STYXL1: variants seen among roughly 807,000 people sequenced by gnomAD.
The protein encoded by STYXL1 is serine/threonine/tyrosine interacting like 1, also known as serine/threonine/tyrosine-interacting-like protein 1.
A neutral mutation model predicts 36.4 loss-of-function variants in STYXL1; 32 were observed. The observed-to-expected ratio is 0.88, with a 90% CI of 0.66 to 1.18. The LOEUF is 1.18. Among genes scored for constraint, STYXL1 ranks in the 50% most tolerant of loss-of-function variants. The pLI is 0.00. For missense variants in STYXL1, 354 were observed against 394.1 expected, an observed-to-expected ratio of 0.90 and a Z score of 0.86; for synonymous variants, 133 against 144.1, an observed-to-expected ratio of 0.92 and a Z score of 0.55.
chr7:75,999,545 G>GTA, intron 8 of STYXL1, among the ~76,000 whole-genome samples: 1 of 142,720 alleles, frequency 7.0e-6, no homozygotes, highest in Non-Finnish European at 1.5e-5. Context: ...GTGTGTGTGT[G>GTA]TGTGTGTATA....
rs1790146678 is a variant in STYXL1 at position 75,996,533 on chromosome 7, G to A, written c.877C>T (p.Leu293=). 2.5e-6 allele frequency: 4 copies of A among 1,614,230 alleles called. No homozygotes were observed. Among genetic ancestry groups the A allele is most frequent in the Non-Finnish European group, 2.5e-6 (3 of 1,180,048 alleles). ...AGGATAGTCTTCTCCCATTCCAGCA[G>A]CTGGCTCACCAATCCCCGATTTGGA... ...MCPNRGLVSQ[L]LEWEKTILGD... The change falls in exon 9 of 9, where the codon CTG becomes TTG. Residue 293 remains leucine, a synonymous_variant. Coordinates refer to ENST00000359697, the MANE Select transcript of STYXL1 (RefSeq NM_001317785.2).
At chr7:76,012,702 T>C (rs957997089) in intron 5 of STYXL1, among the ~76,000 whole-genome samples, 2 of 151,986 alleles carry the variant, frequency 1.3e-5, no homozygotes, top group Non-Finnish European at 2.9e-5. Context: ...GCTCCATTTA[T>C]TGATTTTTTT....
intron 3 of STYXL1, among the ~76,000 whole-genome samples, chr7:76,024,913 C>A (rs1267453823): frequency 3.5e-5 from 5 of 142,584 alleles, no homozygotes; most frequent in Non-Finnish European, 7.5e-5. Context: ...CGTACCACTG[C>A]ACTCCAGCCT....
intron 4 of STYXL1, among the ~76,000 whole-genome samples, chr7:76,021,274 A>G (rs563811061): frequency 1.1e-4 from 17 of 151,880 alleles, no homozygotes; most frequent in East Asian, 5.8e-4. Context: ...GTAGAGACGG[A>G]GTTTCACCGT....
chr7:76,039,225 C>T (rs992047251), intron 1 of STYXL1, among the ~76,000 whole-genome samples: 6 of 148,998 alleles, frequency 4.0e-5, no homozygotes, highest in Non-Finnish European at 7.4e-5. Context: ...CGTGAGTCAC[C>T]GCACCCGGCC....
chr7:76,008,154 G>C (rs1299721639), intron 5 of STYXL1, among the ~76,000 whole-genome samples: 1 of 117,692 alleles, frequency 8.5e-6, no homozygotes, highest in Non-Finnish European at 1.6e-5. Context: ...AGCCAAGATT[G>C]TGCCATTGCA....
At chr7:76,036,157 G>A (rs1795886728) in intron 1 of STYXL1, among the ~76,000 whole-genome samples, 1 of 150,114 alleles carries the variant, frequency 6.7e-6, no homozygotes. Flanking sequence ...CTGGAGTGCA[G>A]TGGGATGATC....
At chr7:76,002,661 C>T (rs911761005) in intron 7 of STYXL1, among the ~76,000 whole-genome samples, 7 of 152,006 alleles carry the variant, frequency 4.6e-5, no homozygotes, top group African/African-American at 1.2e-4. Context: ...TGGTGGCTCA[C>T]GCCTGTAATC....
chr7:76,037,634 C>T lies in STYXL1; in HGVS notation c.-4-7107G>A, dbSNP rs1419255419. Among the ~76,000 whole-genome samples the T allele has an allele frequency of 2.7e-5, 4 of 149,950 alleles. 1 individual carries two copies. The highest frequency in any genetic ancestry group is 6.0e-5 in the Non-Finnish European group (4 of 67,026). On this transcript the variant is annotated intron_variant, in intron 1 of 8. Coordinates refer to ENST00000359697, the MANE Select transcript of STYXL1 (RefSeq NM_001317785.2). ...AGGTGTCAGAGGCTGGGCCTGACCA[C>T]AGGCTTCTTGTAGGAGTTCGAGGAT...
intron 3 of STYXL1, 82 bp downstream of exon 3, chr7:76,028,560 G>T: frequency 7.6e-7 from 1 of 1,315,692 alleles, no homozygotes. Flanking sequence ...CTGCCCGCTG[G>T]ATTGAGGGTG....
intron 1 of STYXL1, among the ~76,000 whole-genome samples, chr7:76,042,074 G>C (rs1008306350): frequency 6.6e-6 from 1 of 152,178 alleles, no homozygotes; most frequent in Non-Finnish European, 1.5e-5. Flanking sequence ...GCATGTGTGT[G>C]CATGTACGCA....
At chr7:76,042,953 T>C (rs1255870556) in intron 1 of STYXL1, among the ~76,000 whole-genome samples, 8 of 152,094 alleles carry the variant, frequency 5.3e-5, no homozygotes, top group Non-Finnish European at 1.2e-4. Context: ...GGCCTTGGGC[T>C]GGAAATCTGA....
intron 5 of STYXL1, among the ~76,000 whole-genome samples, chr7:76,007,598 G>A (rs1353254694): frequency 3.3e-5 from 5 of 151,872 alleles, no homozygotes; most frequent in African/African-American, 7.3e-5. Context: ...TTCCTCTCTC[G>A]GAAACAACAC....
At chr7:76,034,451 G>A (rs1273850527) in intron 1 of STYXL1, among the ~76,000 whole-genome samples, 1 of 152,144 alleles carries the variant, frequency 6.6e-6, no homozygotes, top group East Asian at 1.9e-4. Flanking sequence ...ATGTAACACG[G>A]CTGAGCATTG....
At chr7:76,030,012 T>G (rs1795153755) in intron 2 of STYXL1, among the ~76,000 whole-genome samples, 1 of 151,974 alleles carries the variant, frequency 6.6e-6, no homozygotes, top group African/African-American at 2.4e-5. Flanking sequence ...TTTTTTTTTC[T>G]TTTTTGAGAC....
intron 1 of STYXL1, among the ~76,000 whole-genome samples, chr7:76,037,413 AGCTGTTGG>A (rs1227253959): frequency 6.7e-6 from 1 of 150,174 alleles, no homozygotes; most frequent in African/African-American, 2.4e-5. Context: ...ATGGTCCAGA[AGCTGTTGG>A]GCTGGGAAGC....
chr7:75,999,509 G>GTGTGTATA (rs782747902), intron 8 of STYXL1, among the ~76,000 whole-genome samples: 3 of 102,098 alleles, frequency 2.9e-5, no homozygotes, highest in Admixed American at 9.7e-5. Context: ...GTGTGTGTGT[G>GTGTGTATA]TATGTGTGTG....
chr7:76,016,019 C>T (rs1015898469), intron 4 of STYXL1, among the ~76,000 whole-genome samples: 2 of 152,144 alleles, frequency 1.3e-5, no homozygotes, highest in Non-Finnish European at 2.9e-5. Context: ...AGCTTGCAGA[C>T]AGCCTATTGT....
chr7:76,003,833 G>A lies in STYXL1; in HGVS notation c.622C>T (p.Leu208Phe). ...GPFFAGDADK[L>F]LHIRIEDSPE... ...GAATCTTCTATCCGGATGTGCAGAA[G>A]CTTGTCAGCATCGCCTGCAAAACTA... Residue 208 changes from leucine to phenylalanine, a missense_variant, in exon 7 of 9, where the codon CTT (leucine) becomes TTT (phenylalanine). Physicochemically the swap from Leu to Phe is conservative, Grantham distance 22 (BLOSUM62 0). Transcript: ENST00000359697. The A allele has an allele frequency of 6.2e-7, 1 of 1,614,190 alleles. No individual in the cohort carries two copies. Among genetic ancestry groups the A allele is most frequent in the Non-Finnish European group, 8.5e-7 (1 of 1,180,026 alleles).
Sources: gnomAD v4.1 joint callset for allele counts (sites outside exome capture counted in the v4.1 genomes callset) on GRCh38, gnomAD v4.1.1 for gene constraint, MANE v1.5 for transcripts, NCBI Gene and HGNC (gene_info 2026-07-23, HGNC 2026-07-21) for gene names.